The following DMD variants were observed in gnomAD, a reference collection of about 807,000 sequenced individuals.
DMD encodes the protein mutant dystrophin.
DMD carries 63 observed loss-of-function variants against 330.1 expected under a neutral mutation model. The observed-to-expected ratio is 0.19, with a 90% CI of 0.16 to 0.24. The LOEUF (loss-of-function observed/expected upper bound fraction) is 0.24. DMD is among the 10% of genes least tolerant of loss of function. The probability of loss-of-function intolerance (pLI) is 1.00; values close to 1 mark genes in which losing one functional copy is unlikely to be tolerated. For missense variants in DMD, 3,344 were observed against 2,684.1 expected (o/e 1.25, Z -5.43); for synonymous variants, 1,223 against 959.8 (o/e 1.27, Z -5.07).
At position 33,012,700 on chromosome X, in the gene DMD, T is replaced by C. The variant is rs186640923; in HGVS notation, c.93+7439A>G. 8.9e-3 allele frequency among the ~76,000 whole-genome samples: 990 copies of C among 111,474 alleles called. 5 individuals carry two copies. The highest frequency in any genetic ancestry group is 0.015 in the Non-Finnish European group (801 of 52,908). On this transcript the variant is annotated intron_variant, in intron 2 of 78. Coordinates refer to ENST00000357033, the MANE Select transcript of DMD (RefSeq NM_004006.3). Reference sequence around the variant, plus strand: ...CAATCAATTACATGAGCTAGCTTTATTATAAAATAGGTTTGTGTGAAATGA... The same window carrying C: ...CAATCAATTACATGAGCTAGCTTTACTATAAAATAGGTTTGTGTGAAATGA...
intron 29 of DMD, 66 bp downstream of exon 29, chrX:32,438,173 TGA>T (rs1285387746): frequency 1.5e-5 from 17 of 1,101,393 alleles, no homozygotes; most frequent in Non-Finnish European, 2.0e-5. Context: ...TCATTTTATC[TGA>T]GAGGCCTGTA....
intron 37 of DMD, among the ~76,000 whole-genome samples, chrX:32,357,883 T>C (rs1019519784): frequency 9.0e-6 from 1 of 110,590 alleles, no homozygotes; most frequent in Admixed American, 9.7e-5. Flanking sequence ...ACACACTGTA[T>C]GCTCCTAAGC....
chrX:32,874,354 G>A lies in DMD; in HGVS notation c.94-24534C>T, dbSNP rs140316479. On this transcript the variant is annotated intron_variant, in intron 2 of 78. Transcript: ENST00000357033. Reference sequence around the variant, plus strand: ...GCTTAGAAAATGTAGAAGAATGAACGGTCAGCATGAGCCTTGAACTCTGGC... The same window carrying A: ...GCTTAGAAAATGTAGAAGAATGAACAGTCAGCATGAGCCTTGAACTCTGGC... Among the ~76,000 whole-genome samples, 205 of 110,819 alleles carry A rather than the reference G, an allele frequency of 1.8e-3. 2 individuals carry two copies. Among genetic ancestry groups the A allele is most frequent in the African/African-American group, 6.5e-3 (199 of 30,683 alleles).
intron 59 of DMD, among the ~76,000 whole-genome samples, chrX:31,450,242 G>A (rs1447884184): frequency 9.0e-6 from 1 of 111,473 alleles, no homozygotes; most frequent in East Asian, 2.8e-4. Context: ...CTTATTCCGG[G>A]GCTCTTCCTC....
chrX:32,334,974 C>T, intron 41 of DMD, among the ~76,000 whole-genome samples: 1 of 111,203 alleles, frequency 9.0e-6, no homozygotes, highest in South Asian at 3.8e-4. Flanking sequence ...TCTTCCATTT[C>T]TCAGATGTAT....
chrX:33,008,543 T>C (rs1318950641), intron 2 of DMD, among the ~76,000 whole-genome samples: 3 of 110,210 alleles, frequency 2.7e-5, no homozygotes, highest in African/African-American at 6.6e-5. Context: ...TGTAGGTCAA[T>C]TGGAAATGTT....
intron 62 of DMD, among the ~76,000 whole-genome samples, chrX:31,315,684 C>T (rs1040724986): frequency 8.9e-6 from 1 of 112,175 alleles, no homozygotes; most frequent in Non-Finnish European, 1.9e-5. Context: ...GATTATTTTC[C>T]CCATACACAC....
intron 9 of DMD, among the ~76,000 whole-genome samples, chrX:32,650,080 G>A (rs2146915827): frequency 1.8e-5 from 2 of 111,316 alleles, no homozygotes; most frequent in Non-Finnish European, 3.8e-5. Context: ...TTCAAACTGA[G>A]ATAAGTAATC....
At chrX:32,799,713 C>T (rs1404225719) in intron 7 of DMD, among the ~76,000 whole-genome samples, 1 of 108,399 alleles carries the variant, frequency 9.2e-6, no homozygotes, top group African/African-American at 3.4e-5. Flanking sequence ...GAAATCATAA[C>T]GGGAAGAGAA....
intron 7 of DMD, among the ~76,000 whole-genome samples, chrX:32,718,842 G>T (rs750989361): frequency 3.6e-5 from 4 of 112,069 alleles, no homozygotes; most frequent in African/African-American, 1.3e-4. Flanking sequence ...GGCAAATGTG[G>T]ATGGAAGTAC....
At chrX:32,724,540 T>G (rs1312287304) in intron 7 of DMD, among the ~76,000 whole-genome samples, 1 of 111,800 alleles carries the variant, frequency 8.9e-6, no homozygotes, top group Admixed American at 9.5e-5. Context: ...AAGCTAATTT[T>G]ACTCTGAAAC....
At chrX:32,149,407 A>T (rs772224874) in intron 44 of DMD, among the ~76,000 whole-genome samples, 11 of 112,353 alleles carry the variant, frequency 9.8e-5, no homozygotes, top group Middle Eastern at 4.6e-3. Flanking sequence ...CTTGGCATAT[A>T]TCATTTCATT....
intron 29 of DMD, among the ~76,000 whole-genome samples, chrX:32,436,024 G>A (rs185328362): frequency 2.6e-4 from 29 of 111,888 alleles, no homozygotes; most frequent in Non-Finnish European, 3.4e-4. Context: ...TGTGAATTTT[G>A]TCAGCATTCC....
chrX:33,029,212 T>C (rs958899020), intron 1 of DMD, among the ~76,000 whole-genome samples: 2 of 111,787 alleles, frequency 1.8e-5, no homozygotes, highest in Admixed American at 9.5e-5. Context: ...GAGCACCCAT[T>C]AGACATAAAA....
chrX:31,602,389 A>T (rs1278735832), intron 55 of DMD, among the ~76,000 whole-genome samples: 1 of 107,427 alleles, frequency 9.3e-6, no homozygotes, highest in African/African-American at 3.4e-5. Context: ...AGTCATTTTC[A>T]TTACATGCTT....
At chrX:32,571,041 G>T (rs184085713) in intron 15 of DMD, among the ~76,000 whole-genome samples, 9 of 111,819 alleles carry the variant, frequency 8.0e-5, no homozygotes, top group Admixed American at 1.9e-4. Context: ...TCTCCATGAG[G>T]AAATGAAATC....
chrX:31,957,572 T>C (rs774097495), intron 45 of DMD, among the ~76,000 whole-genome samples: 2 of 112,231 alleles, frequency 1.8e-5, no homozygotes, highest in East Asian at 2.8e-4. Context: ...AAATGATAAA[T>C]TGTTAGATTG....
chrX:31,141,955 C>T (rs974351586), intron 76 of DMD, among the ~76,000 whole-genome samples: 1 of 111,052 alleles, frequency 9.0e-6, no homozygotes, highest in African/African-American at 3.3e-5. Context: ...AAACATTTAA[C>T]CCGAACCCAA....
chrX:31,367,549 C>T (rs778899630), intron 60 of DMD, among the ~76,000 whole-genome samples: 2 of 111,594 alleles, frequency 1.8e-5, no homozygotes, highest in African/African-American at 6.5e-5. Context: ...TGACAGACCA[C>T]CTACTATTCT....
Sources: allele counts gnomAD v4.1 joint callset (sites outside exome capture counted in the v4.1 genomes callset), GRCh38; gene constraint gnomAD v4.1.1; transcripts MANE v1.5; gene names NCBI Gene and HGNC (gene_info 2026-07-23, HGNC 2026-07-21).